EMP1: variants seen among roughly 807,000 people sequenced by gnomAD.
EMP1 encodes tumor-associated membrane protein.
In EMP1, 5 loss-of-function variants were observed where a neutral mutation model predicts 15.7. That is an observed-to-expected ratio of 0.32 (90% CI 0.17 to 0.67). EMP1 has a LOEUF of 0.67. Ranked by LOEUF, EMP1 falls within the 30% of genes least tolerant of loss-of-function variation. The pLI, the probability that EMP1 is intolerant of heterozygous loss-of-function variation, is 0.74. For missense variants in EMP1, 166 were observed against 194.2 expected (o/e 0.85, Z 0.86); for synonymous variants, 78 against 76.7 (o/e 1.02, Z -0.09).
chr12:13,201,445 C>T (rs555365862), intron 1 of EMP1, among the ~76,000 whole-genome samples: 2 of 152,126 alleles, frequency 1.3e-5, no homozygotes, highest in South Asian at 2.1e-4. Context: ...CAAACAAAAA[C>T]ACCAAAAAAA....
chr12:13,210,022 G>T (rs1864150661), intron 1 of EMP1, among the ~76,000 whole-genome samples: 1 of 152,226 alleles, frequency 6.6e-6, no homozygotes, highest in African/African-American at 2.4e-5. Flanking sequence ...GGAAGCCATT[G>T]TCTGCCTCTC....
At position 13,214,618 on chromosome 12, in the gene EMP1, A is replaced by C. The variant is rs746454596; in HGVS notation, c.401A>C (p.Tyr134Ser). ...DGTQYHHGYS[Y>S]ILGWICFCFS... ...ACGCAGTATCACCACGGCTATTCCTACATCCTGGGCTGGATCTGCTTCTGC... is the reference window on the plus strand; with the variant it reads ...ACGCAGTATCACCACGGCTATTCCTCCATCCTGGGCTGGATCTGCTTCTGC... The change falls in exon 5 of 5, where the codon TAC (tyrosine) becomes TCC (serine). Residue 134 changes from tyrosine (Y) to serine (S), a missense_variant. Transcript: ENST00000256951. The C allele has an allele frequency of 6.2e-7, 1 of 1,613,882 alleles. No homozygotes were observed. The highest frequency in any genetic ancestry group is 1.7e-5 in the Admixed American group (1 of 59,990).
intron 4 of EMP1, chr12:13,214,104 TAGG>T: frequency 1.6e-6 from 1 of 617,226 alleles, no homozygotes; most frequent in Non-Finnish European, 2.9e-6. Flanking sequence ...GGCAGAAAGG[TAGG>T]AGTTCTCAGA....
rs1397899013 is a variant in EMP1 at position 13,214,396 on chromosome 12, A to T, written c.317-138A>T. ...CTTGGCCCAGGGGACATCCATCAGA[A>T]CTCCTGTTTAGGGACAAACAAGCAG... On this transcript the variant is annotated intron_variant, in intron 4 of 4. Coordinates refer to ENST00000256951, the MANE Select transcript of EMP1 (RefSeq NM_001423.3). 7 of 1,231,322 alleles carry T rather than the reference A, an allele frequency of 5.7e-6. 1 individual carries two copies. In the African/African-American group the frequency reaches 1.1e-4, roughly 19 times the overall value. The allele number at this position is 1,231,322 out of a possible 1,614,324, so 76.3% of individuals were successfully genotyped here. A position where few individuals can be genotyped will look rare whatever the true frequency, so the allele number is the denominator to read the frequency against.
intron 1 of EMP1, 96 bp downstream of exon 1, chr12:13,196,968 T>C: frequency 6.6e-6 from 1 of 152,280 alleles, no homozygotes; most frequent in Admixed American, 6.5e-5. Flanking sequence ...TTTTGCTTTT[T>C]CTTTTCTTCC....
chr12:13,209,304 G>A (rs1193215941), intron 1 of EMP1: 1 of 152,192 alleles, frequency 6.6e-6, no homozygotes, highest in Non-Finnish European at 1.5e-5. Context: ...TGAGGAAGTT[G>A]GGCTGAGAAA....
At chr12:13,203,958 G>C (rs1442064801) in intron 1 of EMP1, among the ~76,000 whole-genome samples, 1 of 152,084 alleles carries the variant, frequency 6.6e-6, no homozygotes, top group Non-Finnish European at 1.5e-5. Context: ...GTGAGACTCT[G>C]TGCTAGTCTA....
chr12:13,206,637 T>C (rs1864112709), intron 1 of EMP1, among the ~76,000 whole-genome samples: 1 of 152,234 alleles, frequency 6.6e-6, no homozygotes, highest in Non-Finnish European at 1.5e-5. Context: ...CCAGGCCCCA[T>C]GGCAGTTCAG....
Position 13,216,275 on chromosome 12 carries a change from A to T in EMP1, c.*1584A>T. 1 of 664,516 alleles carries T rather than the reference A, an allele frequency of 1.5e-6. No homozygotes were observed. Among genetic ancestry groups the T allele is most frequent in the South Asian group, 1.7e-5 (1 of 59,758 alleles). The allele number at this position is 664,516 out of a possible 1,614,324, so 41.2% of individuals were successfully genotyped here. On this transcript the variant is annotated 3_prime_UTR_variant, in exon 5 of 5. Transcript: ENST00000256951. ...CTTTCTCCTCATCCATTTCTTTTAT[A>T]CCTTTCCTTTTTGGGGAGTTGTTAT...
intron 1 of EMP1, among the ~76,000 whole-genome samples, chr12:13,205,999 A>C (rs2121151524): frequency 6.6e-6 from 1 of 152,300 alleles, no homozygotes; most frequent in Non-Finnish European, 1.5e-5. Context: ...CAGATAACCC[A>C]GTAGCAGGGT....
At chr12:13,204,992 G>T (rs1415002442) in intron 1 of EMP1, among the ~76,000 whole-genome samples, 1 of 152,164 alleles carries the variant, frequency 6.6e-6, no homozygotes. Context: ...AATCTCACCG[G>T]CAGAATTAAA....
Position 13,216,433 on chromosome 12 carries a change from A to C in EMP1, c.*1742A>C, listed in dbSNP as rs1864216022. 1.4e-6 allele frequency: 1 copy of C among 702,412 alleles called. No homozygotes were observed. The allele number at this position is 702,412 out of a possible 1,614,324, so 43.5% of individuals were successfully genotyped here. ...AGGTTAGAGAGATTGGCCAGCAAAA[A>C]CTGTGGGAAGATGAACTTTGTCATT... is the stretch of plus-strand genomic sequence containing the variant. On this transcript the variant is annotated 3_prime_UTR_variant, in exon 5 of 5. Coordinates refer to ENST00000256951, the MANE Select transcript of EMP1 (RefSeq NM_001423.3).
Position 13,213,502 on chromosome 12 carries a change from A to G in EMP1, c.102A>G (p.Val34=), listed in dbSNP as rs1205793687. The change falls in exon 3 of 5, where the codon GTA becomes GTG. Residue 34 remains valine, a synonymous_variant. Transcript: ENST00000256951. ...IANVWLVSNT[V]DASVGLWKNC... ...AGGTCTGGTTGGTTTCCAATACGGT[A>G]GATGCATCAGTAGGTCTTTGGAAAA... 6.2e-7 allele frequency: 1 copy of G among 1,614,106 alleles called. No individual in the cohort carries two copies.
Position 13,213,837 on chromosome 12 carries a change from G to C in EMP1, c.316+16G>C. The C allele has an allele frequency of 5.0e-6, 8 of 1,612,890 alleles. No individual in the cohort carries two copies. The highest frequency in any genetic ancestry group is 6.8e-6 in the Non-Finnish European group (8 of 1,180,028). On this transcript the variant is annotated intron_variant, in intron 4 of 4. Coordinates refer to ENST00000256951, the MANE Select transcript of EMP1 (RefSeq NM_001423.3). The stretch of plus-strand genomic sequence containing the variant: ...CTGGTGTGCTGTGAGTATCTCATGG[G>C]TAGACTCCAGTTTACACTTTTAAGT...
intron 4 of EMP1, 125 bp from the exon 5 acceptor site, chr12:13,214,409 G>C (rs572899795): frequency 8.0e-6 from 11 of 1,371,072 alleles, no homozygotes; most frequent in Non-Finnish European, 9.9e-6. Context: ...CCTGTTTAGG[G>C]ACAAACAAGC....
In EMP1 at chr12:13,202,736, G is replaced by T. The variant is rs189823273; in HGVS notation, c.-43+5864G>T. Among the ~76,000 whole-genome samples the T allele has an allele frequency of 2.8e-3, 423 of 152,170 alleles. 1 individual carries two copies. Among genetic ancestry groups the T allele is most frequent in the African/African-American group, 9.4e-3 (392 of 41,494 alleles). Reference sequence around the variant, plus strand: ...AACGACAGGGAGAAGCAGTGGCCTCGGAAGACCCTGTGTTTTTATAATTGG... The same window carrying T: ...AACGACAGGGAGAAGCAGTGGCCTCTGAAGACCCTGTGTTTTTATAATTGG... On this transcript the variant is annotated intron_variant, in intron 1 of 4. Coordinates refer to ENST00000256951, the MANE Select transcript of EMP1 (RefSeq NM_001423.3).
At chr12:13,210,496 C>G (rs917251653) in intron 1 of EMP1, among the ~76,000 whole-genome samples, 3 of 152,236 alleles carry the variant, frequency 2.0e-5, no homozygotes, top group African/African-American at 7.2e-5. Context: ...GCTCCCTTCT[C>G]TGCTGTGATT....
chr12:13,205,492 G>A lies in EMP1; in HGVS notation c.-42-5977G>A, dbSNP rs567959383. Among the ~76,000 whole-genome samples, 4 of 150,796 alleles carry A rather than the reference G, an allele frequency of 2.7e-5. No homozygotes were observed. In the South Asian group the frequency reaches 8.4e-4, roughly 32 times the overall value. ...TAATAAAGGACTAAAGTCTATGTAT[G>A]TTAAAAAAAAAAGGAAATATTTTCC... On this transcript the variant is annotated intron_variant, in intron 1 of 4. Transcript: ENST00000256951.
intron 1 of EMP1, among the ~76,000 whole-genome samples, chr12:13,207,520 G>A (rs1384738585): frequency 6.6e-6 from 1 of 152,180 alleles, no homozygotes; most frequent in Non-Finnish European, 1.5e-5. Context: ...AACAAAAGAT[G>A]GTGGTCAGAG....
Sources: allele counts gnomAD v4.1 joint callset (sites outside exome capture counted in the v4.1 genomes callset), GRCh38; gene constraint gnomAD v4.1.1; transcripts MANE v1.5; gene names NCBI Gene and HGNC (gene_info 2026-07-23, HGNC 2026-07-21).